The following KIF26B variants were observed in gnomAD, a reference collection of about 807,000 sequenced individuals.
KIF26B encodes kinesin-like protein KIF26B.
In KIF26B, 63 loss-of-function variants were observed where a neutral mutation model predicts 151.2. The observed-to-expected ratio is 0.42, with a 90% CI of 0.34 to 0.51. The LOEUF is 0.51. Among genes scored for constraint, KIF26B ranks in the 20% least tolerant of loss-of-function variants. The probability of loss-of-function intolerance (pLI) is 0.07; values close to 1 mark genes in which losing one functional copy is unlikely to be tolerated. For synonymous variants in KIF26B, 1,357 were observed against 1,262.1 expected, an observed-to-expected ratio of 1.08 and a Z score of -1.59; for missense variants, 2,813 against 2,913.6, an observed-to-expected ratio of 0.97 and a Z score of 0.79.
At chr1:245,411,961 T>C (rs1367047197) in intron 3 of KIF26B, among the ~76,000 whole-genome samples, 1 of 152,222 alleles carries the variant, frequency 6.6e-6, no homozygotes, top group Non-Finnish European at 1.5e-5. Context: ...AACTCTACAT[T>C]ATTTAACTTT....
chr1:245,247,738 A>G (rs1190666744), intron 2 of KIF26B, among the ~76,000 whole-genome samples: 2 of 152,228 alleles, frequency 1.3e-5, no homozygotes, highest in African/African-American at 2.4e-5. Flanking sequence ...ACTATCAGCC[A>G]TCTCTTAAAC....
intron 9 of KIF26B, among the ~76,000 whole-genome samples, chr1:245,644,463 G>T (rs2043925530): frequency 6.6e-6 from 1 of 151,998 alleles, no homozygotes; most frequent in Non-Finnish European, 1.5e-5. Flanking sequence ...GTTCTAGGTT[G>T]GTTTCAGTTA....
intron 2 of KIF26B, among the ~76,000 whole-genome samples, chr1:245,243,441 T>TACACACAC (rs762132705): frequency 1.7e-4 from 6 of 34,478 alleles, no homozygotes; most frequent in Non-Finnish European, 2.8e-4. Flanking sequence ...CATACATATA[T>TACACACAC]ATATATACAC....
chr1:245,646,137 C>A lies in KIF26B; in HGVS notation c.2115C>A (p.Ser705Arg), dbSNP rs2043943200. 1 of 1,613,954 alleles carries A rather than the reference C, an allele frequency of 6.2e-7. No homozygotes were observed. Among genetic ancestry groups the A allele is most frequent in the East Asian group, 2.2e-5 (1 of 44,886 alleles). ...CTGTGGTAGTGTCTGGAGGTCGCAGCCGCCTGCATCTCATTGATCTCGGCA... is the reference window on the plus strand; with the variant it reads ...CTGTGGTAGTGTCTGGAGGTCGCAGACGCCTGCATCTCATTGATCTCGGCA... Reference protein sequence around the residue: ...SGKGGMSGGRSRLHLIDLGSC... With the variant: ...SGKGGMSGGRRRLHLIDLGSC... Residue 705 changes from serine (S) to arginine (R), a missense_variant, in exon 10 of 15, where the codon AGC (serine) becomes AGA (arginine). By Grantham distance (110) the Ser-to-Arg change is moderately radical. Coordinates refer to ENST00000407071, the MANE Select transcript of KIF26B (RefSeq NM_018012.4).
intron 2 of KIF26B, among the ~76,000 whole-genome samples, chr1:245,220,290 G>A (rs1373180851): frequency 2.6e-5 from 4 of 152,192 alleles, no homozygotes; most frequent in Non-Finnish European, 5.9e-5. Flanking sequence ...GCCTTCCGTG[G>A]ATGTTCCCGT....
intron 4 of KIF26B, among the ~76,000 whole-genome samples, chr1:245,430,325 G>A (rs531815585): frequency 6.6e-5 from 10 of 152,010 alleles, no homozygotes; most frequent in African/African-American, 1.4e-4. Context: ...ATACAGTACC[G>A]CTATAATATG....
At chr1:245,562,473 C>A (rs536382523) in intron 5 of KIF26B, among the ~76,000 whole-genome samples, 30 of 152,114 alleles carry the variant, frequency 2.0e-4, no homozygotes, top group Non-Finnish European at 3.7e-4. Flanking sequence ...CTCGGGAGTC[C>A]AGGTTCTGTT....
In KIF26B at chr1:245,323,937, C is replaced by T. The variant is rs117190093; in HGVS notation, c.466-42897C>T. The stretch of plus-strand genomic sequence containing the variant: ...TGGATGGAGGTGGAGGTGGGGTAGA[C>T]CCTTATGTGGGTGGTGGGAGGTGGA... On this transcript the variant is annotated intron_variant, in intron 2 of 14. Coordinates refer to ENST00000407071, the MANE Select transcript of KIF26B (RefSeq NM_018012.4). 1.7e-4 allele frequency among the ~76,000 whole-genome samples: 24 copies of T among 142,478 alleles called. No individual in the cohort carries two copies. The East Asian group carries it at 5.1e-3, about 30-fold the overall frequency. 93.5% of individuals were successfully genotyped at this position (142,478 alleles called of 152,430 possible).
At chr1:245,314,946 C>T (rs1013474026) in intron 2 of KIF26B, among the ~76,000 whole-genome samples, 32 of 152,040 alleles carry the variant, frequency 2.1e-4, no homozygotes, top group Non-Finnish European at 4.1e-4. Flanking sequence ...TTTGGGAGGC[C>T]GAGGCGGGTG....
At chr1:245,216,535 G>A (rs753420553) in intron 2 of KIF26B, among the ~76,000 whole-genome samples, 4 of 152,188 alleles carry the variant, frequency 2.6e-5, no homozygotes, top group African/African-American at 4.8e-5. Flanking sequence ...CTTTGAATGA[G>A]TAACTTGTTT....
At chr1:245,255,959 G>A (rs1670525835) in intron 2 of KIF26B, among the ~76,000 whole-genome samples, 1 of 152,158 alleles carries the variant, frequency 6.6e-6, no homozygotes, top group Non-Finnish European at 1.5e-5. Context: ...TCCTTGAGAA[G>A]TAGAAATGAG....
Position 245,352,176 on chromosome 1 carries a change from G to A in KIF26B, c.466-14658G>A, listed in dbSNP as rs1450407184. Among the ~76,000 whole-genome samples the A allele has an allele frequency of 6.6e-6, 1 of 152,164 alleles. No individual in the cohort carries two copies. The highest frequency in any genetic ancestry group is 1.5e-5 in the Non-Finnish European group (1 of 68,034). On this transcript the variant is annotated intron_variant, in intron 2 of 14. Transcript: ENST00000407071. This position sits in a 1 kb window ranked among gnomAD's most constrained non-coding sequence, Gnocchi z 5.0. ...ATATTCTCAAATTGTATTGAAACCT[G>A]TAACCAAAACCAAAGTTAAAATTGA...
Position 245,687,137 on chromosome 1 carries a change from T to A in KIF26B, c.4154T>A (p.Ile1385Asn), listed in dbSNP as rs760616912. 2 of 1,613,116 alleles carry A rather than the reference T, an allele frequency of 1.2e-6. No individual in the cohort carries two copies. Among genetic ancestry groups the A allele is most frequent in the South Asian group, 2.2e-5 (2 of 90,994 alleles). ...TANLSSCEGY[I>N]PMKTNITVYP... is the part of the protein sequence containing the mutation. Reference sequence around the variant, plus strand: ...AATCTGAGCAGCTGCGAGGGGTACATCCCCATGAAGACCAATATCACAGTT... The same window carrying A: ...AATCTGAGCAGCTGCGAGGGGTACAACCCCATGAAGACCAATATCACAGTT... Residue 1385 changes from isoleucine (I) to asparagine (N), a missense_variant, in exon 12 of 15, where the codon ATC (isoleucine) becomes AAC (asparagine). This residue lies in a region of KIF26B where 2,060 missense variants were observed against 2,088.6 expected (regional missense o/e 0.99). Transcript: ENST00000407071. The surrounding 1 kb of genome is among the most constrained non-coding windows in gnomAD (Gnocchi z 4.9).
chr1:245,376,529 C>A (rs1673277406), intron 3 of KIF26B, among the ~76,000 whole-genome samples: 2 of 152,040 alleles, frequency 1.3e-5, no homozygotes, highest in African/African-American at 4.8e-5. Flanking sequence ...CCAAGAACCA[C>A]AGTGTTAAGG....
chr1:245,565,979 G>C (rs1219811126), intron 5 of KIF26B, among the ~76,000 whole-genome samples: 4 of 152,166 alleles, frequency 2.6e-5, no homozygotes, highest in African/African-American at 9.7e-5. Flanking sequence ...AGAGAGAAGG[G>C]GGAGGCCCCA....
Position 245,609,799 on chromosome 1 carries a change from C to CAA in KIF26B, c.1914+281_1914+282dup, listed in dbSNP as rs11379502. On this transcript the variant is annotated intron_variant, in intron 8 of 14. Transcript: ENST00000407071. ...GAATTCACTTTCTTTATGCCCCTTT[C>CAA]AAAAAAAAAAAGTAACAATCTTTCT... 2.2e-4 allele frequency among the ~76,000 whole-genome samples: 32 copies of CAA among 148,308 alleles called. No homozygotes were observed. In the East Asian group the frequency reaches 2.4e-3, roughly 11 times the overall value.
At chr1:245,595,851 A>G (rs1020866370) in intron 5 of KIF26B, among the ~76,000 whole-genome samples, 3 of 152,014 alleles carry the variant, frequency 2.0e-5, no homozygotes, top group African/African-American at 7.2e-5. Context: ...CTAGATATTG[A>G]TCTATTCAGG....
chr1:245,273,888 T>C (rs1191935553), intron 2 of KIF26B, among the ~76,000 whole-genome samples: 2 of 152,216 alleles, frequency 1.3e-5, no homozygotes, highest in Non-Finnish European at 2.9e-5. Flanking sequence ...AGGCAAGGAC[T>C]TACTATTGCC....
intron 4 of KIF26B, among the ~76,000 whole-genome samples, chr1:245,449,759 A>C (rs1414246727): frequency 6.6e-6 from 1 of 152,250 alleles, no homozygotes; most frequent in Admixed American, 6.5e-5. Context: ...ATGAGGAGGT[A>C]AAATAGCCTT....
Sources: allele counts gnomAD v4.1 joint callset (sites outside exome capture counted in the v4.1 genomes callset), GRCh38; gene constraint gnomAD v4.1.1; regional missense constraint gnomAD v4.1.1; non-coding constraint Gnocchi (gnomAD v3.1); transcripts MANE v1.5; gene names NCBI Gene and HGNC (gene_info 2026-07-23, HGNC 2026-07-21).